AMY2B: variants seen among roughly 807,000 people sequenced by gnomAD.
The protein encoded by AMY2B is alpha-amylase 2B.
Under a neutral mutation model 59.3 loss-of-function variants are expected in AMY2B, and 63 were observed. The observed-to-expected ratio is 1.06, with a 90% CI of 0.87 to 1.31. The LOEUF (loss-of-function observed/expected upper bound fraction) is 1.31. AMY2B is among the 50% of genes most tolerant of loss of function. The pLI, the probability that AMY2B is intolerant of heterozygous loss-of-function variation, is 0.00. For synonymous variants in AMY2B, 180 were observed against 198.1 expected, an observed-to-expected ratio of 0.91 and a Z score of 0.77; for missense variants, 635 against 626.7, an observed-to-expected ratio of 1.01 and a Z score of -0.14.
chr1:103,560,126 G>A (rs1361153633), intron 1 of AMY2B, among the ~76,000 whole-genome samples: 4 of 152,040 alleles, frequency 2.6e-5, no homozygotes, highest in East Asian at 1.9e-4. Flanking sequence ...TGTGTTCTCC[G>A]TATGTGCATT....
chr1:103,574,534 A>G (rs1422001745), intron 5 of AMY2B, 141 bp downstream of exon 5: 1 of 1,510,402 alleles, frequency 6.6e-7, no homozygotes, highest in African/African-American at 1.4e-5. Flanking sequence ...CTAGTGCCCT[A>G]AACTCTAATC....
chr1:103,571,675 CG>C lies in AMY2B; in HGVS notation c.75del (p.Thr26HisfsTer22), dbSNP rs1158917952. On this transcript the variant is annotated frameshift_variant, in exon 1 of 10. Transcript: ENST00000684275. LOFTEE classifies it high-confidence loss of function. ...GTATTCCCCAAATACACAACAAGGA[CG>C]GACATCTATTGTTCATCTGTTTGAA... ...AQYSPNTQQG[R>X]TSIVHLFEWR... 6.2e-7 allele frequency: 1 copy of C among 1,611,764 alleles called. No homozygotes were observed. The highest frequency in any genetic ancestry group is 2.2e-5 in the East Asian group (1 of 44,864).
At chr1:103,569,637 C>T (rs746017932), upstream of AMY2B, 2 of 399,948 alleles carry the variant, frequency 5.0e-6, no homozygotes, top group Non-Finnish European at 1.0e-5. Context: ...CAACCCCCAG[C>T]CATGTTTCCT....
chr1:103,561,682 A>G (rs773953912), intron 1 of AMY2B: 3 of 151,978 alleles, frequency 2.0e-5, no homozygotes, highest in Non-Finnish European at 4.4e-5. Flanking sequence ...TATTATAAAT[A>G]TAAATGGTTC....
chr1:103,577,989 A>G, intron 9 of AMY2B, 144 bp downstream of exon 9: 2 of 1,503,802 alleles, frequency 1.3e-6, no homozygotes, highest in Non-Finnish European at 1.8e-6. Context: ...AATTGGGCAG[A>G]AGTAAAAAGA....
intron 7 of AMY2B, among the ~76,000 whole-genome samples, chr1:103,576,325 G>T (rs2101078157): frequency 6.6e-6 from 1 of 152,092 alleles, no homozygotes; most frequent in East Asian, 1.9e-4. Context: ...CTGTTACTTT[G>T]TATAGCAACT....
intron 7 of AMY2B, among the ~76,000 whole-genome samples, chr1:103,576,505 C>G (rs1652359742): frequency 6.6e-6 from 1 of 152,102 alleles, no homozygotes; most frequent in Non-Finnish European, 1.5e-5. Context: ...GCTAAAAACT[C>G]TTAGTTTTGT....
At chr1:103,570,104 T>C, upstream of AMY2B, 1 of 439,226 alleles carries the variant, frequency 2.3e-6, no homozygotes, top group Non-Finnish European at 4.5e-6. Flanking sequence ...GGCCAGGACC[T>C]GACCAACTAC....
chr1:103,574,038 T>C, intron 4 of AMY2B, 100 bp downstream of exon 4: 1 of 1,585,668 alleles, frequency 6.3e-7, no homozygotes, highest in Non-Finnish European at 8.6e-7. Context: ...AAGGACTGAG[T>C]CATTTATATA....
chr1:103,562,936 C>T (rs1651781036), intron 1 of AMY2B, among the ~76,000 whole-genome samples: 1 of 151,886 alleles, frequency 6.6e-6, no homozygotes, highest in African/African-American at 2.4e-5. Context: ...ATTTATGGTA[C>T]TTGATGTGTC....
chr1:103,577,769 T>C lies in AMY2B; in HGVS notation c.1270T>C (p.Trp424Arg). Reference protein sequence around the residue: ...NVVDGQPFTNWYDNGSNQVAF... With the variant: ...NVVDGQPFTNRYDNGSNQVAF... ...AGTGGATGGCCAGCCTTTTACAAAC[T>C]GGTATGATAATGGGAGCAACCAAGT... Residue 424 changes from tryptophan to arginine, a missense_variant, in exon 9 of 10, where the codon TGG becomes CGG. By Grantham distance (101) the Trp-to-Arg change is moderately radical. Transcript: ENST00000684275. The C allele has an allele frequency of 6.2e-7, 1 of 1,609,138 alleles. No homozygotes were observed. The highest frequency in any genetic ancestry group is 8.5e-7 in the Non-Finnish European group (1 of 1,179,772).
upstream of AMY2B, chr1:103,570,884 C>G (rs554683430): frequency 2.6e-6 from 1 of 384,130 alleles, no homozygotes; most frequent in Non-Finnish European, 5.1e-6. Context: ...TAACTGTTCC[C>G]CTTGGTATCT....
intron 1 of AMY2B, among the ~76,000 whole-genome samples, chr1:103,557,462 G>C (rs527914376): frequency 6.6e-6 from 1 of 152,112 alleles, no homozygotes; most frequent in East Asian, 1.9e-4. Flanking sequence ...GACCAGCCTG[G>C]CCAACACGAT....
At chr1:103,579,049 C>G (rs1046908743) in intron 9 of AMY2B, among the ~76,000 whole-genome samples, 5 of 152,158 alleles carry the variant, frequency 3.3e-5, no homozygotes, top group Admixed American at 2.6e-4. Context: ...TGTGACCATT[C>G]CTGCCAATCT....
chr1:103,557,490 A>C (rs868739648), intron 1 of AMY2B, among the ~76,000 whole-genome samples: 1 of 152,070 alleles, frequency 6.6e-6, no homozygotes. Flanking sequence ...CGTCTCTACT[A>C]AAAATACAAA....
At position 103,575,516 on chromosome 1, in the gene AMY2B, G is replaced by T. The variant is rs757818865; in HGVS notation, c.1077G>T (p.Trp359Cys). The part of the protein sequence containing the change: ...GFTRVMSSYR[W>C]PRQFQNGNDV... ...CACGAGTAATGTCAAGCTACCGTTG[G>T]CCAAGACAGTTTCAAAATGGAAACG... The change falls in exon 7 of 10, where the codon TGG becomes TGT. Residue 359 changes from tryptophan (W) to cysteine (C), a missense_variant. By Grantham distance (215) the Trp-to-Cys change is radical. Coordinates refer to ENST00000684275, the MANE Select transcript of AMY2B (RefSeq NM_001387437.1). 1 of 1,613,620 alleles carries T rather than the reference G, an allele frequency of 6.2e-7. No individual in the cohort carries two copies. Among genetic ancestry groups the T allele is most frequent in the Admixed American group, 1.7e-5 (1 of 59,970 alleles).
At chr1:103,558,239 A>T (rs1651620417) in intron 1 of AMY2B, among the ~76,000 whole-genome samples, 1 of 152,218 alleles carries the variant, frequency 6.6e-6, no homozygotes, top group South Asian at 2.1e-4. Flanking sequence ...TTGTGACATT[A>T]CAAAGGGACT....
At chr1:103,570,674 A>C (rs1652092869), upstream of AMY2B, 4 of 580,068 alleles carry the variant, frequency 6.9e-6, no homozygotes, top group Admixed American at 1.9e-5. Context: ...AATGCTTCTA[A>C]ATGGACTGTG....
intron 1 of AMY2B, among the ~76,000 whole-genome samples, chr1:103,563,832 TA>T (rs1350900355): frequency 2.0e-5 from 3 of 152,070 alleles, no homozygotes; most frequent in African/African-American, 7.2e-5. Flanking sequence ...CCTAAGCGAA[TA>T]AGCAAGAAGA....
Sources: allele counts gnomAD v4.1 joint callset (sites outside exome capture counted in the v4.1 genomes callset), GRCh38; gene constraint gnomAD v4.1.1; transcripts MANE v1.5; gene names NCBI Gene and HGNC (gene_info 2026-07-23, HGNC 2026-07-21).